Variants in NEBL observed in about 807,000 individuals in gnomAD.
NEBL encodes nebulette, also known as LIM and SH3 protein 2.
A neutral mutation model predicts 140.2 loss-of-function variants in NEBL; 122 were observed. The observed-to-expected ratio is 0.87, with a 90% CI of 0.75 to 1.01. The LOEUF is 1.01. Ranked by LOEUF, NEBL falls within the 50% of genes least tolerant of loss-of-function variation. NEBL has a pLI of 0.00. For synonymous variants in NEBL, 436 were observed against 398.9 expected, an observed-to-expected ratio of 1.09 and a Z score of -1.11; for missense variants, 1,365 against 1,231.3, an observed-to-expected ratio of 1.11 and a Z score of -1.62.
chr10:21,091,434 GA>G (rs1010575859), intron 2 of NEBL, among the ~76,000 whole-genome samples: 2 of 151,916 alleles, frequency 1.3e-5, no homozygotes, highest in Non-Finnish European at 2.9e-5. Context: ...CTATCACAAT[GA>G]AAAAAATGTA....
At chr10:21,181,435 G>A (rs1007277444) in intron 3 of NEBL, among the ~76,000 whole-genome samples, 4 of 151,352 alleles carry the variant, frequency 2.6e-5, no homozygotes, top group Non-Finnish European at 5.9e-5. Context: ...ATATACTGTC[G>A]GTAAGAGGGA....
At chr10:20,822,570 A>G (rs961050624) in intron 19 of NEBL, among the ~76,000 whole-genome samples, 42 of 151,658 alleles carry the variant, frequency 2.8e-4, no homozygotes, top group African/African-American at 1.0e-3. Flanking sequence ...GACTATATAG[A>G]GATATATACA....
intron 2 of NEBL, chr10:21,029,304 C>A: frequency 1.2e-6 from 2 of 1,609,092 alleles, no homozygotes; most frequent in East Asian, 2.2e-5. Flanking sequence ...TTCTAGGGAA[C>A]CTATCCTATG....
At chr10:20,897,389 A>T (rs1043001598), upstream of NEBL, 5 of 1,390,278 alleles carry the variant, frequency 3.6e-6, no homozygotes, top group Non-Finnish European at 3.7e-6. Context: ...ACAGAAAAGG[A>T]TCCCAGAGGT....
At chr10:20,796,061 T>C (rs1337838890) in intron 26 of NEBL, among the ~76,000 whole-genome samples, 1 of 152,154 alleles carries the variant, frequency 6.6e-6, no homozygotes, top group East Asian at 1.9e-4. Flanking sequence ...TTGACTTAGT[T>C]GTCTCAAATG....
intron 1 of NEBL, among the ~76,000 whole-genome samples, chr10:21,268,066 C>T (rs1040164008): frequency 1.3e-5 from 2 of 152,118 alleles, no homozygotes; most frequent in Admixed American, 1.3e-4. Context: ...AACCAAGACT[C>T]CTAGGATTGC....
At chr10:20,821,261 C>T (rs761239212) in intron 19 of NEBL, among the ~76,000 whole-genome samples, 30 of 152,266 alleles carry the variant, frequency 2.0e-4, no homozygotes, top group Admixed American at 8.5e-4. Context: ...ATGCTGTGTG[C>T]TTCACAAGCA....
intron 4 of NEBL, among the ~76,000 whole-genome samples, chr10:20,951,709 CTAAT>C (rs1835475852): frequency 6.6e-6 from 1 of 152,012 alleles, no homozygotes; most frequent in East Asian, 1.9e-4. Flanking sequence ...ATTATATGGC[CTAAT>C]TATTAATGAT....
At chr10:21,125,524 T>C (rs957044768) in intron 2 of NEBL, among the ~76,000 whole-genome samples, 2 of 152,106 alleles carry the variant, frequency 1.3e-5, no homozygotes, top group Admixed American at 6.5e-5. Flanking sequence ...AAATAAAGCC[T>C]CAAAGTAAGA....
chr10:20,985,643 G>A lies in NEBL; in HGVS notation c.250-23864C>T, dbSNP rs554894242. Among the ~76,000 whole-genome samples, 7 of 152,110 alleles carry A rather than the reference G, an allele frequency of 4.6e-5. No individual in the cohort carries two copies. The South Asian group carries it at 1.5e-3, about 32-fold the overall frequency. Reference sequence around the variant, plus strand: ...GCAGTCAGAAACATCTATTAGTAGTGAAAACACTCTACTGTTTTAGTTGAA... The same window carrying A: ...GCAGTCAGAAACATCTATTAGTAGTAAAAACACTCTACTGTTTTAGTTGAA... On this transcript the variant is annotated intron_variant, in intron 3 of 6. Coordinates refer to the NEBL transcript ENST00000417816.
Position 20,850,331 on chromosome 10 carries a change from G to A in NEBL, c.1116+64C>T, listed in dbSNP as rs1036234668. ...CTTCCAGACCCACTGAACATTCTGCGTCCTTTCAAATGACAAAACATCAAA... is the reference window on the plus strand; with the variant it reads ...CTTCCAGACCCACTGAACATTCTGCATCCTTTCAAATGACAAAACATCAAA... On this transcript the variant is annotated intron_variant, in intron 11 of 27. Coordinates refer to ENST00000377122, the MANE Select transcript of NEBL (RefSeq NM_006393.3). 8.5e-5 allele frequency: 109 copies of A among 1,285,010 alleles called. 1 individual carries two copies. Among genetic ancestry groups the A allele is most frequent in the Middle Eastern group, 5.5e-4 (3 of 5,454 alleles). The allele number at this position is 1,285,010 out of a possible 1,614,324, so 79.6% of individuals were successfully genotyped here. A position where few individuals can be genotyped will look rare whatever the true frequency, so the allele number is the denominator to read the frequency against.
intron 1 of NEBL, among the ~76,000 whole-genome samples, chr10:21,276,612 G>A (rs1327134397): frequency 1.5e-4 from 23 of 152,116 alleles, no homozygotes; most frequent in Admixed American, 1.4e-3. Flanking sequence ...GATCTCTTGA[G>A]TTCAGAAGTT....
At chr10:21,111,727 A>G (rs1231255134) in intron 2 of NEBL, among the ~76,000 whole-genome samples, 1 of 151,236 alleles carries the variant, frequency 6.6e-6, no homozygotes, top group East Asian at 1.9e-4. Flanking sequence ...ACAAAAGCCA[A>G]AATAGACAAA....
chr10:20,976,106 A>G (rs1251435419), intron 3 of NEBL, among the ~76,000 whole-genome samples: 7 of 151,972 alleles, frequency 4.6e-5, no homozygotes, highest in African/African-American at 1.5e-4. Flanking sequence ...AGGCCAAGGG[A>G]GGCAAATCAC....
At chr10:21,191,432 C>A (rs948063086) in intron 3 of NEBL, among the ~76,000 whole-genome samples, 9 of 152,190 alleles carry the variant, frequency 5.9e-5, no homozygotes, top group African/African-American at 2.2e-4. Context: ...GAGTTGAATT[C>A]TCACCCACCG....
intron 2 of NEBL, among the ~76,000 whole-genome samples, chr10:21,103,873 G>T (rs1837590291): frequency 1.3e-5 from 2 of 152,134 alleles, no homozygotes; most frequent in South Asian, 4.1e-4. Flanking sequence ...CTAGCCCAAA[G>T]TCACTAAGAC....
At chr10:21,226,899 T>A (rs566151411) in intron 3 of NEBL, among the ~76,000 whole-genome samples, 2 of 152,232 alleles carry the variant, frequency 1.3e-5, no homozygotes, top group African/African-American at 4.8e-5. Context: ...AATTTGGTGC[T>A]CCCATGGAAA....
At chr10:21,061,551 T>TATATAA (rs71392110) in intron 2 of NEBL, among the ~76,000 whole-genome samples, 55,967 of 146,642 alleles carry the variant, frequency 0.38, 12,783 homozygotes, top group Non-Finnish European at 0.51. Context: ...ATTTTATACA[T>TATATAA]ATATAAATAT....
At chr10:20,997,320 G>T (rs1837705150) in intron 3 of NEBL, among the ~76,000 whole-genome samples, 1 of 151,826 alleles carries the variant, frequency 6.6e-6, no homozygotes, top group Non-Finnish European at 1.5e-5. Context: ...CTCAGGTCTG[G>T]AATCTCAAAA....
Sources: gnomAD v4.1 joint callset for allele counts (sites outside exome capture counted in the v4.1 genomes callset) on GRCh38, gnomAD v4.1.1 for gene constraint, MANE v1.5 for transcripts, NCBI Gene and HGNC (gene_info 2026-07-23, HGNC 2026-07-21) for gene names.